The following AKAP6 variants were observed in gnomAD, a reference collection of about 807,000 sequenced individuals.
AKAP6 encodes the protein A-kinase anchor protein 6.
Under a neutral mutation model 188.5 loss-of-function variants are expected in AKAP6, and 58 were observed. The ratio of observed to expected loss-of-function variants is 0.31; its 90% CI spans 0.25 to 0.38. The LOEUF is 0.38. Ranked by LOEUF, AKAP6 falls within the 10% of genes least tolerant of loss-of-function variation. The pLI is 1.00. For missense variants in AKAP6, 2,710 were observed against 2,740.0 expected (o/e 0.99, Z 0.24); for synonymous variants, 989 against 998.6 (o/e 0.99, Z 0.18).
At chr14:32,706,951 A>C (rs182124851) in intron 9 of AKAP6, among the ~76,000 whole-genome samples, 1 of 152,210 alleles carries the variant, frequency 6.6e-6, no homozygotes, top group Admixed American at 6.5e-5. Context: ...GCTATACCCT[A>C]CTGAAACTCA....
chr14:32,394,126 A>G (rs1223707302), intron 1 of AKAP6, among the ~76,000 whole-genome samples: 4 of 152,186 alleles, frequency 2.6e-5, no homozygotes, highest in Non-Finnish European at 5.9e-5. Context: ...GGCATTATAC[A>G]TTCATTAAAG....
At chr14:32,504,738 A>G (rs1216781627) in intron 2 of AKAP6, among the ~76,000 whole-genome samples, 1 of 152,162 alleles carries the variant, frequency 6.6e-6, no homozygotes. Flanking sequence ...CTCTGGTCCC[A>G]TTACCTTTCA....
intron 7 of AKAP6, among the ~76,000 whole-genome samples, chr14:32,669,372 A>G (rs1424318168): frequency 6.6e-6 from 1 of 152,250 alleles, no homozygotes. Flanking sequence ...ATTTGTATTT[A>G]GCTAGAATGT....
intron 3 of AKAP6, among the ~76,000 whole-genome samples, chr14:32,540,168 C>CTCTCTATATA (rs1240063339): frequency 5.1e-4 from 31 of 60,914 alleles, no homozygotes; most frequent in Admixed American, 3.4e-3. Context: ...CTCTCTCTCT[C>CTCTCTATATA]TATATATATA....
intron 2 of AKAP6, among the ~76,000 whole-genome samples, chr14:32,438,492 G>A (rs1468358166): frequency 1.3e-5 from 2 of 152,120 alleles, no homozygotes; most frequent in Non-Finnish European, 2.9e-5. Context: ...GTTCTTAGGG[G>A]AAATTTTACC....
chr14:32,355,781 CT>C (rs56318246), intron 1 of AKAP6, among the ~76,000 whole-genome samples: 13,969 of 146,480 alleles, frequency 0.095, 768 homozygotes, highest in African/African-American at 0.14. Context: ...CTTTTCTTTT[CT>C]TTTTTTTTTT....
At chr14:32,765,127 G>T (rs1268648929) in intron 11 of AKAP6, among the ~76,000 whole-genome samples, 1 of 151,876 alleles carries the variant, frequency 6.6e-6, no homozygotes, top group Non-Finnish European at 1.5e-5. Flanking sequence ...TAGAGACGGG[G>T]TTTCACCATG....
At chr14:32,508,481 A>C (rs1880986125) in intron 2 of AKAP6, among the ~76,000 whole-genome samples, 1 of 152,214 alleles carries the variant, frequency 6.6e-6, no homozygotes, top group Non-Finnish European at 1.5e-5. Flanking sequence ...AGAGGCCCCT[A>C]TTCTTGTGGA....
intron 8 of AKAP6, among the ~76,000 whole-genome samples, chr14:32,683,470 G>T (rs946689773): frequency 6.6e-6 from 1 of 152,162 alleles, no homozygotes; most frequent in African/African-American, 2.4e-5. Flanking sequence ...CCATTCTGAT[G>T]CCCCAGTTAT....
chr14:32,695,904 G>A, intron 8 of AKAP6, 86 bp from the exon 9 acceptor site: 1 of 1,433,608 alleles, frequency 7.0e-7, no homozygotes, highest in Non-Finnish European at 9.3e-7. Flanking sequence ...GAAACATCAT[G>A]GGTTTTCAAG....
chr14:32,329,974 A>G (rs1886480391), intron 1 of AKAP6, among the ~76,000 whole-genome samples: 1 of 152,274 alleles, frequency 6.6e-6, no homozygotes, highest in African/African-American at 2.4e-5. Flanking sequence ...ACCTAAACCA[A>G]ATGAAATTAT....
At chr14:32,558,829 C>T (rs1883804155) in intron 4 of AKAP6, among the ~76,000 whole-genome samples, 1 of 152,124 alleles carries the variant, frequency 6.6e-6, no homozygotes, top group Non-Finnish European at 1.5e-5. Flanking sequence ...AGGGCAGCCA[C>T]CTTTCTTCTT....
chr14:32,360,714 T>TGTGTGC (rs1887628703), intron 1 of AKAP6, among the ~76,000 whole-genome samples: 1 of 108,862 alleles, frequency 9.2e-6, no homozygotes, highest in Non-Finnish European at 1.7e-5. Flanking sequence ...GGCCATTGAG[T>TGTGTGC]GTGTGTGTGT....
chr14:32,437,874 A>G (rs1294908704), intron 2 of AKAP6, among the ~76,000 whole-genome samples: 2 of 152,196 alleles, frequency 1.3e-5, no homozygotes, highest in African/African-American at 4.8e-5. Context: ...TGCTGGCATT[A>G]CAGGCGTGGC....
chr14:32,723,532 A>AAT (rs1222029974), intron 9 of AKAP6, among the ~76,000 whole-genome samples: 4 of 147,052 alleles, frequency 2.7e-5, no homozygotes, highest in Admixed American at 7.0e-5. Context: ...GACTTCACAT[A>AAT]ATATATATAT....
At position 32,360,976 on chromosome 14, in the gene AKAP6, T is replaced by G. The variant is rs966617882; in HGVS notation, c.-35+31568T>G. Among the ~76,000 whole-genome samples the G allele has an allele frequency of 4.0e-5, 6 of 151,138 alleles. No individual in the cohort carries two copies. The East Asian group carries it at 5.9e-4, about 15-fold the overall frequency. On this transcript the variant is annotated intron_variant, in intron 1 of 13. Transcript: ENST00000280979. ...ATTGCCCTGGCTACTCTTGAACTCC[T>G]GGGCTCAAGTGATCCTTCTGCTTCA...
intron 12 of AKAP6, among the ~76,000 whole-genome samples, chr14:32,791,421 G>C (rs2033605807): frequency 2.0e-5 from 3 of 152,078 alleles, no homozygotes; most frequent in Admixed American, 1.3e-4. Context: ...GTCTTCTTTT[G>C]AGAAGTGTCT....
intron 1 of AKAP6, among the ~76,000 whole-genome samples, chr14:32,337,685 T>C (rs570043375): frequency 3.7e-4 from 57 of 152,192 alleles, no homozygotes; most frequent in African/African-American, 1.3e-3. Flanking sequence ...ACTCGTCATT[T>C]AGCATTAGGT....
Position 32,504,950 on chromosome 14 carries a change from A to G in AKAP6, c.325-30604A>G, listed in dbSNP as rs979360359. Among the ~76,000 whole-genome samples, 93 of 152,198 alleles carry G rather than the reference A, an allele frequency of 6.1e-4. 1 individual carries two copies. Among genetic ancestry groups the G allele is most frequent in the Non-Finnish European group, 3.2e-4 (22 of 68,026 alleles). On this transcript the variant is annotated intron_variant, in intron 2 of 13. Transcript: ENST00000280979. ...TCAGACAGGAAAGCGTGACAACAGA[A>G]CCAATTGATGGCTTTTAGAATTCCA... is the stretch of plus-strand genomic sequence containing the variant.
Sources: gnomAD v4.1 joint callset for allele counts (sites outside exome capture counted in the v4.1 genomes callset) on GRCh38, gnomAD v4.1.1 for gene constraint, MANE v1.5 for transcripts, NCBI Gene and HGNC (gene_info 2026-07-23, HGNC 2026-07-21) for gene names.